Variants in LAMA4 observed in about 807,000 individuals in gnomAD.
The protein encoded by LAMA4 is laminin subunit alpha-4.
Under a neutral mutation model 207.1 loss-of-function variants are expected in LAMA4, and 127 were observed. The observed-to-expected ratio is 0.61, with a 90% CI of 0.53 to 0.71. LAMA4 has a LOEUF of 0.71. LAMA4 is among the 30% of genes least tolerant of loss of function. The pLI, the probability that LAMA4 is intolerant of heterozygous loss-of-function variation, is 0.00. For synonymous variants in LAMA4, 761 were observed against 816.0 expected (o/e 0.93, Z 1.15); for missense variants, 2,093 against 2,246.5 (o/e 0.93, Z 1.38).
intron 16 of LAMA4, among the ~76,000 whole-genome samples, chr6:112,154,032 C>A (rs939560543): frequency 6.6e-6 from 1 of 151,948 alleles, no homozygotes; most frequent in Admixed American, 6.5e-5. Flanking sequence ...TCAAACTTGG[C>A]CTTTGTTTTT....
intron 2 of LAMA4, among the ~76,000 whole-genome samples, chr6:112,247,567 G>A (rs1409353880): frequency 1.3e-5 from 2 of 152,184 alleles, no homozygotes; most frequent in Non-Finnish European, 2.9e-5. Flanking sequence ...AGAGGTGGCT[G>A]CCACTCTGGA....
At chr6:112,119,080 T>C in intron 34 of LAMA4, 76 bp downstream of exon 34, 14 of 1,454,826 alleles carry the variant, frequency 9.6e-6, no homozygotes, top group Non-Finnish European at 1.3e-5. Flanking sequence ...TTTCCTAATC[T>C]GTGAGACGAG....
At chr6:112,244,721 C>A (rs1554188337) in intron 2 of LAMA4, among the ~76,000 whole-genome samples, 3 of 152,164 alleles carry the variant, frequency 2.0e-5, no homozygotes, top group Non-Finnish European at 2.9e-5. Flanking sequence ...TTCTCACGTA[C>A]AAAATGAGAG....
chr6:112,179,844 G>T (rs555832393), intron 9 of LAMA4: 36 of 513,690 alleles, frequency 7.0e-5, no homozygotes, highest in Non-Finnish European at 1.3e-4. Context: ...GCGGCAATGT[G>T]GTCATCAGTC....
chr6:112,178,813 A>G (rs2213839), intron 9 of LAMA4: 100,473 of 152,772 alleles, frequency 0.66, 33,449 homozygotes, highest in East Asian at 0.83. Flanking sequence ...TTTATTCTTC[A>G]AATTTTTACT....
At chr6:112,217,883 C>A (rs892468412) in intron 2 of LAMA4, 1 of 152,150 alleles carries the variant, frequency 6.6e-6, no homozygotes. Context: ...TTAATTTAGA[C>A]CATTTAATTT....
At chr6:112,216,235 C>G in intron 3 of LAMA4, 133 bp downstream of exon 3, 1 of 718,212 alleles carries the variant, frequency 1.4e-6, no homozygotes, top group South Asian at 1.5e-5. Context: ...ACAGGAAAAG[C>G]TGAAGGGTGA....
intron 8 of LAMA4, chr6:112,186,716 T>C (rs564217286): frequency 4.5e-6 from 2 of 446,110 alleles, no homozygotes; most frequent in Non-Finnish European, 8.9e-6. Context: ...TGTAAATAGT[T>C]GTTACACTGT....
At position 112,176,948 on chromosome 6, in the gene LAMA4, CA is replaced by C. The variant is rs369842925; in HGVS notation, c.1189+1172del. Among the ~76,000 whole-genome samples the C allele has an allele frequency of 2.0e-3, 302 of 152,252 alleles. 2 individuals are homozygous for C. Among genetic ancestry groups the C allele is most frequent in the African/African-American group, 6.9e-3 (285 of 41,552 alleles). On this transcript the variant is annotated intron_variant, in intron 10 of 38. Transcript: ENST00000230538. ...CTTTGCAAATGAAACACTTTTGAATCAAAACATGGGTTATAATAGCAAAGGT... is the reference window on the plus strand; with the variant it reads ...CTTTGCAAATGAAACACTTTTGAATCAAACATGGGTTATAATAGCAAAGGT...
Position 112,116,144 on chromosome 6 carries a change from C to T in LAMA4, c.4982-151G>A, listed in dbSNP as rs587599217. 8.0e-6 allele frequency: 6 copies of T among 753,016 alleles called. No homozygotes were observed. In the East Asian group the frequency reaches 9.5e-5, roughly 12 times the overall value. 46.6% of individuals were successfully genotyped at this position (753,016 alleles called of 1,614,324 possible). A position where few individuals can be genotyped will look rare whatever the true frequency, so the allele number is the denominator to read the frequency against. On this transcript the variant is annotated intron_variant, in intron 35 of 38. Transcript: ENST00000230538. ...TAGAAAGTGGCTTTTCCATGTCAAA[C>T]TCACTGTGGAAAGCTCTGTGGGGAA...
intron 2 of LAMA4, among the ~76,000 whole-genome samples, chr6:112,228,107 G>A (rs1554363155): frequency 6.6e-6 from 1 of 152,196 alleles, no homozygotes; most frequent in African/African-American, 2.4e-5. Flanking sequence ...GATCAAGAGA[G>A]CTAATAATGG....
chr6:112,191,291 C>A (rs7745663), intron 6 of LAMA4, among the ~76,000 whole-genome samples: 39,749 of 151,840 alleles, frequency 0.26, 7,672 homozygotes, highest in African/African-American at 0.54. Context: ...CTGAACCATG[C>A]AAGATTTCAT....
chr6:112,200,348 G>A (rs546315908), intron 5 of LAMA4, among the ~76,000 whole-genome samples: 1 of 152,362 alleles, frequency 6.6e-6, no homozygotes, highest in East Asian at 1.9e-4. Context: ...TCTCACACCA[G>A]TTAGAATGGC....
At chr6:112,214,986 G>T (rs1051876773) in intron 3 of LAMA4, among the ~76,000 whole-genome samples, 7 of 152,210 alleles carry the variant, frequency 4.6e-5, no homozygotes, top group African/African-American at 7.2e-5. Flanking sequence ...CAGCTGATGT[G>T]CTTGACAGTC....
At chr6:112,213,933 G>A in intron 3 of LAMA4, 1 of 621,462 alleles carries the variant, frequency 1.6e-6, no homozygotes, top group Non-Finnish European at 3.0e-6. Flanking sequence ...CAACCTGCAA[G>A]AACTGACTGA....
intron 6 of LAMA4, among the ~76,000 whole-genome samples, chr6:112,191,356 TTAAAACTAGAAGGATA>T (rs1160395261): frequency 1.3e-5 from 2 of 152,190 alleles, no homozygotes; most frequent in Non-Finnish European, 2.9e-5. Flanking sequence ...ATTTCTTTGA[TTAAAACTAGAAGGATA>T]TAAGATGCTA....
chr6:112,141,538 A>C, intron 20 of LAMA4, 35 bp from the exon 21 acceptor site: 2 of 1,479,816 alleles, frequency 1.4e-6, no homozygotes, highest in African/African-American at 1.4e-5. Flanking sequence ...CATTTAAATA[A>C]AATTCATAAG....
At position 112,115,993 on chromosome 6, in the gene LAMA4, T is replaced by C. The variant is rs1777995375; in HGVS notation, c.4982A>G (p.Asp1661Gly). 1 of 1,612,518 alleles carries C rather than the reference T, an allele frequency of 6.2e-7. No individual in the cohort carries two copies. The highest frequency in any genetic ancestry group is 1.3e-5 in the African/African-American group (1 of 74,994). Residue 1661 changes from aspartate (D) to glycine (G), a missense_variant and splice_region_variant, in exon 36 of 39, where the codon GAT (aspartate) becomes GGT (glycine). Coordinates refer to ENST00000230538, the MANE Select transcript of LAMA4 (RefSeq NM_001105206.3). ...CTTCAATCCAATATTGAAAGATTCA[T>C]CTGTGGAGAGAAACACTATAAACTC... ...FSTEGGYVVLDESFNIGLKFE... is the reference protein window; with the variant it reads ...FSTEGGYVVLGESFNIGLKFE...
chr6:112,155,021 A>G (rs1554336562), intron 15 of LAMA4, 74 bp from the exon 16 acceptor site: 1 of 985,562 alleles, frequency 1.0e-6, no homozygotes, highest in East Asian at 2.4e-5. Context: ...AAGGATTTAA[A>G]TGACACAGTT....
Sources: allele counts gnomAD v4.1 joint callset (sites outside exome capture counted in the v4.1 genomes callset), GRCh38; gene constraint gnomAD v4.1.1; transcripts MANE v1.5; gene names NCBI Gene and HGNC (gene_info 2026-07-23, HGNC 2026-07-21).